Variants in PIAS2 observed in about 807,000 individuals in gnomAD.
The protein encoded by PIAS2 is E3 SUMO-protein ligase PIAS2.
Under a neutral mutation model 69.7 loss-of-function variants are expected in PIAS2, and 19 were observed. That is an observed-to-expected ratio of 0.27 (90% CI 0.19 to 0.40). PIAS2 has a LOEUF of 0.40. Ranked by LOEUF, PIAS2 falls within the 10% of genes least tolerant of loss-of-function variation. The probability of loss-of-function intolerance (pLI) is 1.00; values close to 1 mark genes in which losing one functional copy is unlikely to be tolerated. For synonymous variants in PIAS2, 261 were observed against 263.2 expected, an observed-to-expected ratio of 0.99 and a Z score of 0.08; for missense variants, 624 against 757.0, an observed-to-expected ratio of 0.82 and a Z score of 2.06.
At chr18:46,909,007 TC>T (rs2056956723) in intron 1 of PIAS2, among the ~76,000 whole-genome samples, 1 of 151,964 alleles carries the variant, frequency 6.6e-6, no homozygotes, top group African/African-American at 2.4e-5. Context: ...AGACTCCATC[TC>T]AAAAAATAAA....
intron 2 of PIAS2, among the ~76,000 whole-genome samples, chr18:46,884,502 G>T (rs1449075580): frequency 2.0e-5 from 3 of 151,842 alleles, no homozygotes; most frequent in Admixed American, 6.6e-5. Context: ...TAGTAGAGTC[G>T]GGGTTTCACC....
chr18:46,832,048 C>T (rs1244799514), intron 9 of PIAS2, among the ~76,000 whole-genome samples: 2 of 152,116 alleles, frequency 1.3e-5, no homozygotes, highest in South Asian at 2.1e-4. Flanking sequence ...AAATCATATA[C>T]CTGGTAAGAC....
At chr18:46,835,462 T>C (rs974013817) in intron 9 of PIAS2, among the ~76,000 whole-genome samples, 26 of 152,202 alleles carry the variant, frequency 1.7e-4, no homozygotes, top group African/African-American at 5.3e-4. Flanking sequence ...TGTAAAACTT[T>C]TGTTGTTTAT....
rs1416500391 is a variant in PIAS2 at position 46,885,458 on chromosome 18, T to C, written c.499+5122A>G. ...ATTGCTTGAACTTGGGAGGCGGAGGTTGCAGCTAGCCAAGATCATGTGACT... is the reference window on the plus strand; with the variant it reads ...ATTGCTTGAACTTGGGAGGCGGAGGCTGCAGCTAGCCAAGATCATGTGACT... On this transcript the variant is annotated intron_variant, in intron 2 of 13. Coordinates refer to ENST00000585916, the MANE Select transcript of PIAS2 (RefSeq NM_004671.5). 2.6e-5 allele frequency among the ~76,000 whole-genome samples: 4 copies of C among 151,634 alleles called. No homozygotes were observed. In the East Asian group the frequency reaches 7.7e-4, roughly 29 times the overall value.
intron 11 of PIAS2, among the ~76,000 whole-genome samples, chr18:46,822,620 C>T (rs947486499): frequency 6.6e-6 from 1 of 152,094 alleles, no homozygotes; most frequent in Non-Finnish European, 1.5e-5. Flanking sequence ...GTATCTAAAG[C>T]TCATCTTTTC....
At position 46,804,554 on chromosome 18, in the gene PIAS2, C is replaced by T. The variant is rs557955602; in HGVS notation, c.*7879G>A. 1 of 152,322 alleles carries T rather than the reference C, an allele frequency of 6.6e-6. No individual in the cohort carries two copies. Among genetic ancestry groups the T allele is most frequent in the East Asian group, 1.9e-4 (1 of 5,188 alleles). 9.4% of individuals were successfully genotyped at this position (152,322 alleles called of 1,614,324 possible). ...ACTGTTTTACAAGGCCCTTCACGAT[C>T]TATCTATGCATATTTCTCAATATTC... On this transcript the variant is annotated 3_prime_UTR_variant, in exon 14 of 14. Transcript: ENST00000585916.
intron 11 of PIAS2, among the ~76,000 whole-genome samples, chr18:46,822,556 A>C (rs2042293508): frequency 6.6e-6 from 1 of 152,192 alleles, no homozygotes; most frequent in Admixed American, 6.5e-5. Flanking sequence ...ATGTTAGAAA[A>C]GGCAGACTCT....
chr18:46,843,172 A>G (rs1172716740), intron 8 of PIAS2, among the ~76,000 whole-genome samples: 3 of 152,242 alleles, frequency 2.0e-5, no homozygotes, highest in Non-Finnish European at 4.4e-5. Flanking sequence ...AAATGAAGAC[A>G]ACTCCTCCAC....
At chr18:46,863,198 TC>T (rs1184115850) in intron 3 of PIAS2, among the ~76,000 whole-genome samples, 2 of 152,198 alleles carry the variant, frequency 1.3e-5, no homozygotes, top group African/African-American at 4.8e-5. Context: ...CAGTTTATGT[TC>T]TTATCTCAGA....
intron 1 of PIAS2, among the ~76,000 whole-genome samples, chr18:46,904,798 C>G (rs1405892918): frequency 6.6e-6 from 1 of 151,738 alleles, no homozygotes; most frequent in Non-Finnish European, 1.5e-5. Context: ...CTATGGTACC[C>G]AGGCTGGTCT....
At chr18:46,818,237 T>A in intron 12 of PIAS2, 6 of 1,233,514 alleles carry the variant, frequency 4.9e-6, no homozygotes, top group Non-Finnish European at 6.1e-6. Context: ...TGTTTAGCAC[T>A]TTCAAATTTT....
At chr18:46,862,520 T>G (rs1461398406) in intron 3 of PIAS2, among the ~76,000 whole-genome samples, 1 of 152,104 alleles carries the variant, frequency 6.6e-6, no homozygotes, top group Non-Finnish European at 1.5e-5. Flanking sequence ...CCAAAAATCA[T>G]TAACCTCCCA....
At chr18:46,879,111 C>G (rs1416287748) in intron 2 of PIAS2, among the ~76,000 whole-genome samples, 2 of 152,184 alleles carry the variant, frequency 1.3e-5, no homozygotes, top group African/African-American at 2.4e-5. Context: ...CATCACCTAC[C>G]AGCTACTGTA....
At chr18:46,885,777 C>G (rs1332655979) in intron 2 of PIAS2, among the ~76,000 whole-genome samples, 2 of 152,030 alleles carry the variant, frequency 1.3e-5, no homozygotes, top group Non-Finnish European at 2.9e-5. Context: ...ACGTGTATTT[C>G]TGGCATTCTA....
intron 1 of PIAS2, chr18:46,905,639 T>C (rs1395012661): frequency 6.6e-6 from 1 of 152,044 alleles, no homozygotes; most frequent in Non-Finnish European, 1.5e-5. Context: ...GGATATTAAC[T>C]ACAAGTAACT....
At chr18:46,875,315 G>T (rs1247708995) in intron 2 of PIAS2, among the ~76,000 whole-genome samples, 1 of 152,146 alleles carries the variant, frequency 6.6e-6, no homozygotes, top group Non-Finnish European at 1.5e-5. Flanking sequence ...GGACAGCCAG[G>T]CCCCCTTCTT....
chr18:46,885,520 CAA>C (rs562180662), intron 2 of PIAS2, among the ~76,000 whole-genome samples: 4 of 112,166 alleles, frequency 3.6e-5, no homozygotes, highest in African/African-American at 6.5e-5. Context: ...GACTCCATCT[CAA>C]AAAAAAAAAA....
Position 46,855,403 on chromosome 18 carries a change from T to C in PIAS2, c.668A>G (p.Glu223Gly), listed in dbSNP as rs1485771824. The C allele has an allele frequency of 5.6e-6, 9 of 1,613,088 alleles. No individual in the cohort carries two copies. Among genetic ancestry groups the C allele is most frequent in the African/African-American group, 2.7e-5 (2 of 74,864 alleles). ...ACATAGACTATTTGGATAGTTATCT[T>C]CTTGAGGGCAACTTGTCTCTGCCAG... ...LCLAETSCPQEDNYPNSLCIK... is the reference protein window; with the variant it reads ...LCLAETSCPQGDNYPNSLCIK... Residue 223 changes from glutamate to glycine, a missense_variant, in exon 5 of 14, where the codon GAA becomes GGA. Coordinates refer to ENST00000585916, the MANE Select transcript of PIAS2 (RefSeq NM_004671.5).
chr18:46,848,214 T>A (rs1259188299), intron 5 of PIAS2, among the ~76,000 whole-genome samples: 4 of 152,222 alleles, frequency 2.6e-5, no homozygotes, highest in African/African-American at 9.6e-5. Context: ...CTCAGATTTC[T>A]CTGCAAGTCA....
Sources: allele counts gnomAD v4.1 joint callset (sites outside exome capture counted in the v4.1 genomes callset), GRCh38; gene constraint gnomAD v4.1.1; transcripts MANE v1.5; gene names NCBI Gene and HGNC (gene_info 2026-07-23, HGNC 2026-07-21).